Variants in KCTD16 observed in about 807,000 individuals in gnomAD.
KCTD16 encodes the protein BTB/POZ domain-containing protein KCTD16.
A neutral mutation model predicts 33.2 loss-of-function variants in KCTD16; 13 were observed. The ratio of observed to expected loss-of-function variants is 0.39; its 90% CI spans 0.25 to 0.62. KCTD16 has a LOEUF of 0.62. KCTD16 is among the 20% of genes least tolerant of loss of function. KCTD16 has a pLI of 0.50. For missense variants in KCTD16, 441 were observed against 525.1 expected (o/e 0.84, Z 1.57); for synonymous variants, 197 against 195.3 (o/e 1.01, Z -0.07).
At chr5:144,191,933 A>G (rs1287997814) in intron 2 of KCTD16, among the ~76,000 whole-genome samples, 1 of 151,942 alleles carries the variant, frequency 6.6e-6, no homozygotes, top group Non-Finnish European at 1.5e-5. Flanking sequence ...TTCACCATTC[A>G]TGCTGTAAAA....
intron 1 of KCTD16, among the ~76,000 whole-genome samples, chr5:144,173,686 G>A (rs965315296): frequency 3.9e-5 from 6 of 152,128 alleles, no homozygotes; most frequent in Admixed American, 1.3e-4. Context: ...TTCTACTTCT[G>A]TCTCTGAAAG....
intron 3 of KCTD16, among the ~76,000 whole-genome samples, chr5:144,331,977 T>C (rs943301905): frequency 3.3e-5 from 5 of 152,166 alleles, no homozygotes; most frequent in Admixed American, 1.3e-4. Flanking sequence ...ATTGATATTA[T>C]AGAAAGATGG....
intron 3 of KCTD16, among the ~76,000 whole-genome samples, chr5:144,391,180 A>G (rs1752441156): frequency 6.6e-6 from 1 of 152,172 alleles, no homozygotes; most frequent in South Asian, 2.1e-4. Context: ...TGTGCAAAAT[A>G]TATTTCTTGA....
At chr5:144,294,338 T>A (rs1755978077) in intron 3 of KCTD16, among the ~76,000 whole-genome samples, 1 of 152,218 alleles carries the variant, frequency 6.6e-6, no homozygotes, top group Admixed American at 6.5e-5. Context: ...TTGATACTAA[T>A]CAAAGATATG....
At chr5:144,366,769 A>G (rs75996642) in intron 3 of KCTD16, among the ~76,000 whole-genome samples, 319 of 152,312 alleles carry the variant, frequency 2.1e-3, no homozygotes, top group Non-Finnish European at 3.9e-3. Flanking sequence ...AAGGAAACCA[A>G]TCACCTCAAA....
rs1439501106 is a variant in KCTD16, at chr5:144,299,070, ATATT to A, written c.832+91526_832+91529del. ...TATATATATATATATATATATATAT[ATATT>A]TTTGTATATATATATCACTATGTAT... On this transcript the variant is annotated intron_variant, in intron 3 of 3. Transcript: ENST00000512467. Among the ~76,000 whole-genome samples, 27 of 73,008 alleles carry A rather than the reference ATATT, an allele frequency of 3.7e-4. 2 individuals are homozygous for A. The highest frequency in any genetic ancestry group is 2.0e-3 in the African/African-American group (27 of 13,300). 47.9% of individuals were successfully genotyped at this position (73,008 alleles called of 152,430 possible).
intron 1 of KCTD16, among the ~76,000 whole-genome samples, chr5:144,173,867 T>G (rs1752444880): frequency 6.6e-6 from 1 of 152,082 alleles, no homozygotes; most frequent in South Asian, 2.1e-4. Context: ...CATCCACTAA[T>G]TTCATGGCTA....
chr5:144,468,075 T>TC (rs1432617273), intron 3 of KCTD16, among the ~76,000 whole-genome samples: 1 of 152,132 alleles, frequency 6.6e-6, no homozygotes, highest in Non-Finnish European at 1.5e-5. Context: ...TTCCCTTTTT[T>TC]CCCCTCTATA....
At chr5:144,339,468 C>G (rs533522771) in intron 3 of KCTD16, among the ~76,000 whole-genome samples, 1 of 152,258 alleles carries the variant, frequency 6.6e-6, no homozygotes, top group Admixed American at 6.5e-5. Context: ...TGCCCTTGCC[C>G]AAGCTTTCAT....
chr5:144,259,288 A>G (rs1754939799), intron 3 of KCTD16, among the ~76,000 whole-genome samples: 8 of 134,330 alleles, frequency 6.0e-5, no homozygotes, highest in East Asian at 2.2e-4. Flanking sequence ...AAAAAAAGGG[A>G]TGAAGCATGT....
chr5:144,358,090 A>ATTTTTTTTTTTTTTTTTTT, intron 3 of KCTD16, among the ~76,000 whole-genome samples: 1 of 114,438 alleles, frequency 8.7e-6, no homozygotes, highest in Non-Finnish European at 1.7e-5. Flanking sequence ...CACCCGGCTA[A>ATTTTTTTTTTTTTTTTTTT]TTTTTTTTTT....
At chr5:144,251,410 T>C (rs557124531) in intron 3 of KCTD16, among the ~76,000 whole-genome samples, 10 of 152,310 alleles carry the variant, frequency 6.6e-5, no homozygotes, top group Admixed American at 6.5e-5. Flanking sequence ...TTGAGCATTA[T>C]GAGATATTAC....
At chr5:144,338,218 GA>G (rs1752539601) in intron 3 of KCTD16, among the ~76,000 whole-genome samples, 1 of 152,048 alleles carries the variant, frequency 6.6e-6, no homozygotes, top group Admixed American at 6.6e-5. Flanking sequence ...TGCGTCCTGG[GA>G]AAAAATGTTC....
chr5:144,206,603 T>G lies in KCTD16; in HGVS notation c.-112T>G. ...TACTGGGATAAGAGGAGGTCATTTT[T>G]TAATAAGTTAGCATCCTTTTCCCTT... is the stretch of plus-strand genomic sequence containing the variant. On this transcript the variant is annotated 5_prime_UTR_variant, in exon 3 of 4. Transcript: ENST00000512467. 1.1e-6 allele frequency: 1 copy of G among 923,058 alleles called. No homozygotes were observed. Among genetic ancestry groups the G allele is most frequent in the East Asian group, 2.5e-5 (1 of 40,242 alleles). The allele number at this position is 923,058 out of a possible 1,614,324, so 57.2% of individuals were successfully genotyped here.
rs373260966 is a variant in KCTD16, at chr5:144,470,538, G to A, written c.833-3122G>A. ...CTTTTTTGGTTTAATATAATACATA[G>A]ACTTCAGAAGCCATCTCATAAATTA... On this transcript the variant is annotated intron_variant, in intron 3 of 3. Transcript: ENST00000512467. Among the ~76,000 whole-genome samples the A allele has an allele frequency of 3.2e-4, 48 of 152,208 alleles. 1 individual carries two copies. In the South Asian group the frequency reaches 9.8e-3, roughly 31 times the overall value.
intron 3 of KCTD16, among the ~76,000 whole-genome samples, chr5:144,230,348 G>A (rs756044735): frequency 1.3e-5 from 2 of 152,138 alleles, no homozygotes; most frequent in Non-Finnish European, 2.9e-5. Flanking sequence ...GTAGGTAATA[G>A]AAAATGAAAG....
At chr5:144,368,828 G>A (rs974403894) in intron 3 of KCTD16, among the ~76,000 whole-genome samples, 2 of 152,186 alleles carry the variant, frequency 1.3e-5, no homozygotes, top group African/African-American at 2.4e-5. Flanking sequence ...GAGGCCTTAG[G>A]AAGTACGGAG....
intron 3 of KCTD16, among the ~76,000 whole-genome samples, chr5:144,304,199 C>T (rs1751525220): frequency 6.6e-6 from 1 of 151,828 alleles, no homozygotes; most frequent in Admixed American, 6.6e-5. Flanking sequence ...AAAAAAAGAC[C>T]AGGGTGTCAT....
chr5:144,254,176 C>T (rs1754780144), intron 3 of KCTD16, among the ~76,000 whole-genome samples: 1 of 151,680 alleles, frequency 6.6e-6, no homozygotes, highest in Admixed American at 6.6e-5. Flanking sequence ...CTCGCTCTGT[C>T]GCCCAGGCTG....
Sources: gnomAD v4.1 joint callset for allele counts (sites outside exome capture counted in the v4.1 genomes callset) on GRCh38, gnomAD v4.1.1 for gene constraint, MANE v1.5 for transcripts, NCBI Gene and HGNC (gene_info 2026-07-23, HGNC 2026-07-21) for gene names.